Variants in PRKAR1B observed in about 807,000 individuals in gnomAD.
PRKAR1B encodes the protein protein kinase cAMP-dependent type I regulatory subunit beta, also known as cAMP-dependent protein kinase type I-beta regulatory subunit.
In PRKAR1B, 22 loss-of-function variants were observed where a neutral mutation model predicts 46.5. The ratio of observed to expected loss-of-function variants is 0.47; its 90% CI spans 0.34 to 0.68. The LOEUF is 0.68. Among genes scored for constraint, PRKAR1B ranks in the 30% least tolerant of loss-of-function variants. PRKAR1B has a pLI of 0.01. For synonymous variants in PRKAR1B, 259 were observed against 217.7 expected (o/e 1.19, Z -1.67); for missense variants, 445 against 535.6 (o/e 0.83, Z 1.67).
At chr7:610,640 G>C (rs942847449) in intron 4 of PRKAR1B, among the ~76,000 whole-genome samples, 4 of 152,178 alleles carry the variant, frequency 2.6e-5, no homozygotes, top group African/African-American at 4.8e-5. Context: ...CCGAGGTGAG[G>C]TCAGCTCTGT....
chr7:604,393 G>A (rs918954407), intron 6 of PRKAR1B, among the ~76,000 whole-genome samples: 1 of 152,182 alleles, frequency 6.6e-6, no homozygotes, highest in Non-Finnish European at 1.5e-5. Context: ...GGGACCTTTG[G>A]CACCTGCCTC....
At position 550,331 on chromosome 7, in the gene PRKAR1B, C is replaced by T. The variant is rs899644091; in HGVS notation, c.*99G>A. Reference sequence around the variant, plus strand: ...CACGCTGCCGGGACCCAGCCCCACCCGGCCCACACCTCACACAGCGGCTCC... The same window carrying T: ...CACGCTGCCGGGACCCAGCCCCACCTGGCCCACACCTCACACAGCGGCTCC... On this transcript the variant is annotated 3_prime_UTR_variant, in exon 11 of 11. Coordinates refer to ENST00000537384, the MANE Select transcript of PRKAR1B (RefSeq NM_001164760.2). The T allele has an allele frequency of 5.2e-5, 59 of 1,142,432 alleles. No homozygotes were observed. Among genetic ancestry groups the T allele is most frequent in the African/African-American group, 1.5e-4 (10 of 64,918 alleles). The allele number at this position is 1,142,432 out of a possible 1,614,324, so 70.8% of individuals were successfully genotyped here.
intron 2 of PRKAR1B, among the ~76,000 whole-genome samples, chr7:688,470 G>A (rs184315501): frequency 7.9e-4 from 120 of 150,946 alleles, no homozygotes; most frequent in African/African-American, 1.7e-4. Flanking sequence ...AATGGCCTCC[G>A]ATCTGAGTTG....
chr7:598,007 G>A (rs1027182902), intron 6 of PRKAR1B, among the ~76,000 whole-genome samples: 7 of 152,326 alleles, frequency 4.6e-5, no homozygotes, highest in Admixed American at 6.5e-5. Context: ...GGGTCTCACC[G>A]TGTCTATCCA....
chr7:607,910 G>C (rs1782197895), intron 4 of PRKAR1B: 1 of 178,390 alleles, frequency 5.6e-6, no homozygotes, highest in Non-Finnish European at 1.2e-5. Context: ...TGACACAGAA[G>C]TGACATGTGC....
chr7:715,769 G>A (rs1269447254), intron 1 of PRKAR1B, among the ~76,000 whole-genome samples: 10 of 151,628 alleles, frequency 6.6e-5, no homozygotes, highest in Admixed American at 2.0e-4. Flanking sequence ...AGGCTGCAGT[G>A]CAGTGGCGTG....
chr7:568,152 T>C (rs1405202405), intron 9 of PRKAR1B, among the ~76,000 whole-genome samples: 1 of 152,200 alleles, frequency 6.6e-6, no homozygotes, highest in African/African-American at 2.4e-5. Context: ...GTCTCACCCA[T>C]GCTCGGGGGT....
intron 9 of PRKAR1B, among the ~76,000 whole-genome samples, chr7:575,439 C>G (rs1779764441): frequency 6.6e-6 from 1 of 152,248 alleles, no homozygotes; most frequent in Non-Finnish European, 1.5e-5. Flanking sequence ...TGCATTCTGT[C>G]TGTCAAGTGT....
intron 4 of PRKAR1B, among the ~76,000 whole-genome samples, chr7:633,250 C>T (rs1398003161): frequency 6.6e-6 from 1 of 152,196 alleles, no homozygotes; most frequent in Non-Finnish European, 1.5e-5. Flanking sequence ...CTATCTAACA[C>T]AGGCAGGAGG....
At chr7:556,600 T>A (rs1778456160) in intron 9 of PRKAR1B, among the ~76,000 whole-genome samples, 1 of 151,964 alleles carries the variant, frequency 6.6e-6, no homozygotes, top group Non-Finnish European at 1.5e-5. Context: ...GGCAAAGGGG[T>A]CGGTCCCCGA....
chr7:651,879 T>G (rs1239954338), intron 4 of PRKAR1B, among the ~76,000 whole-genome samples: 9 of 111,652 alleles, frequency 8.1e-5, no homozygotes, highest in Non-Finnish European at 1.5e-4. Flanking sequence ...CGGAAGACAG[T>G]TCACACCCAC....
rs1462316203 is a variant in PRKAR1B, at chr7:718,293, CACAT to C, written c.-22-6770_-22-6767del. ...ACACACACACACACACACACACACA[CACAT>C]ACACATATATACATACATATATATG... On this transcript the variant is annotated intron_variant, in intron 1 of 10. Transcript: ENST00000537384. Among the ~76,000 whole-genome samples, 557 of 131,394 alleles carry C rather than the reference CACAT, an allele frequency of 4.2e-3. 2 individuals carry two copies. The highest frequency in any genetic ancestry group is 0.013 in the African/African-American group (479 of 35,856). The allele number at this position is 131,394 out of a possible 152,430, so 86.2% of individuals were successfully genotyped here.
chr7:700,639 G>A (rs1226912858), intron 2 of PRKAR1B, among the ~76,000 whole-genome samples: 1 of 151,886 alleles, frequency 6.6e-6, no homozygotes, highest in Non-Finnish European at 1.5e-5. Flanking sequence ...GAATTGGTGG[G>A]GGAATCAGCA....
intron 4 of PRKAR1B, among the ~76,000 whole-genome samples, chr7:656,731 G>A (rs1052307747): frequency 2.0e-5 from 3 of 152,210 alleles, no homozygotes; most frequent in Non-Finnish European, 4.4e-5. Flanking sequence ...GTGGATGGAT[G>A]TGTAAATGCA....
At chr7:691,105 A>G (rs371120337) in intron 2 of PRKAR1B, among the ~76,000 whole-genome samples, 1,781 of 119,048 alleles carry the variant, frequency 0.015, 28 homozygotes, top group East Asian at 0.051. Context: ...GAAGGGTCCC[A>G]CGCCCACCCA....
At chr7:622,626 G>C (rs931314615) in intron 4 of PRKAR1B, among the ~76,000 whole-genome samples, 20 of 152,102 alleles carry the variant, frequency 1.3e-4, no homozygotes, top group Admixed American at 1.2e-3. Flanking sequence ...GACACGGGTT[G>C]TTATTCCCCC....
At chr7:576,579 C>T (rs942290133) in intron 9 of PRKAR1B, among the ~76,000 whole-genome samples, 8 of 152,068 alleles carry the variant, frequency 5.3e-5, no homozygotes, top group African/African-American at 1.2e-4. Flanking sequence ...GACTCAGGTC[C>T]GGGAACCCCA....
intron 8 of PRKAR1B, among the ~76,000 whole-genome samples, chr7:579,936 A>G (rs1429308160): frequency 6.6e-6 from 1 of 152,164 alleles, no homozygotes; most frequent in Non-Finnish European, 1.5e-5. Context: ...ATCTCTACAA[A>G]AAATGTTTTA....
intron 9 of PRKAR1B, among the ~76,000 whole-genome samples, chr7:562,204 C>T (rs532416601): frequency 3.3e-5 from 5 of 151,130 alleles, no homozygotes; most frequent in African/African-American, 1.2e-4. Context: ...GGAACCAGGG[C>T]GAGCACAGGC....
Sources: gnomAD v4.1 joint callset for allele counts (sites outside exome capture counted in the v4.1 genomes callset) on GRCh38, gnomAD v4.1.1 for gene constraint, MANE v1.5 for transcripts, NCBI Gene and HGNC (gene_info 2026-07-23, HGNC 2026-07-21) for gene names.